The following AMOTL1 variants were observed in gnomAD, a reference collection of about 807,000 sequenced individuals.
AMOTL1 encodes angiomotin-like protein 1.
AMOTL1 carries 45 observed loss-of-function variants against 102.9 expected under a neutral mutation model. The observed-to-expected ratio is 0.44, with a 90% CI of 0.34 to 0.56. The LOEUF is 0.56. AMOTL1 is among the 20% of genes least tolerant of loss of function. The pLI, the probability that AMOTL1 is intolerant of heterozygous loss-of-function variation, is 0.01. For synonymous variants in AMOTL1, 481 were observed against 484.7 expected (o/e 0.99, Z 0.10); for missense variants, 1,114 against 1,225.6 (o/e 0.91, Z 1.36).
intron 2 of AMOTL1, among the ~76,000 whole-genome samples, chr11:94,735,210 G>C (rs374786946): frequency 6.6e-6 from 1 of 152,198 alleles, no homozygotes; most frequent in African/African-American, 2.4e-5. Context: ...GGCTGGGCAG[G>C]GGCTTGATGG....
rs1951431509 is a variant in AMOTL1, at chr11:94,799,589, T to C, written c.399T>C (p.His133=). ...CCACAGGGAGTGCAGGACCAGCCCATCCTACAAACAACTTTTCTTCCACGG... is the reference window on the plus strand; with the variant it reads ...CCACAGGGAGTGCAGGACCAGCCCACCCTACAAACAACTTTTCTTCCACGG... ...HQATGSAGPA[H]PTNNFSSTEN... The change falls in exon 3 of 13, where the codon CAT becomes CAC. Residue 133 remains histidine, a synonymous_variant. Coordinates refer to ENST00000433060, the MANE Select transcript of AMOTL1 (RefSeq NM_130847.3). This position sits in a 1 kb window ranked among gnomAD's most constrained non-coding sequence, Gnocchi z 4.5. The C allele has an allele frequency of 1.2e-6, 2 of 1,613,306 alleles. No individual in the cohort carries two copies. The highest frequency in any genetic ancestry group is 3.3e-5 in the Admixed American group (2 of 59,934).
rs773855698 is a variant in AMOTL1 at position 94,821,532 on chromosome 11, G to A, written c.1124G>A (p.Arg375His). 47 of 1,611,784 alleles carry A rather than the reference G, an allele frequency of 2.9e-5. No individual in the cohort carries two copies. The highest frequency in any genetic ancestry group is 1.2e-4 in the Admixed American group (7 of 59,908). Reference sequence around the variant, plus strand: ...TGCTGCCTTCCATTGCCTTGCAGCCGCCCATGCCAACTTCCGTTCCCATCA... The same window carrying A: ...TGCTGCCTTCCATTGCCTTGCAGCCACCCATGCCAACTTCCGTTCCCATCA... ...QPPPEYGVTS[R>H]PCQLPFPSTM... is the part of the protein sequence containing the mutation. Residue 375 changes from arginine (R) to histidine (H), a missense_variant and splice_region_variant, in exon 4 of 13, where the codon CGC becomes CAC. Physicochemically the swap from Arg to His is conservative, Grantham distance 29. Coordinates refer to ENST00000433060, the MANE Select transcript of AMOTL1 (RefSeq NM_130847.3).
intron 1 of AMOTL1, 100 bp downstream of exon 1, chr11:94,768,660 AGGGGGCAGCTTCT>A (rs1950893503): frequency 7.9e-6 from 12 of 1,515,932 alleles, no homozygotes; most frequent in African/African-American, 1.4e-5. Flanking sequence ...TGCTCACGGA[AGGGGGCAGCTTCT>A]GGGGGCCCGG....
chr11:94,833,480 T>C (rs1254509907), intron 6 of AMOTL1, among the ~76,000 whole-genome samples: 2 of 152,260 alleles, frequency 1.3e-5, no homozygotes, highest in African/African-American at 4.8e-5. Context: ...TTGTTTTTAA[T>C]CTTTGTTCTT....
chr11:94,765,698 T>A (rs781485503), upstream of AMOTL1, among the ~76,000 whole-genome samples: 4 of 152,200 alleles, frequency 2.6e-5, no homozygotes, highest in African/African-American at 4.8e-5. Flanking sequence ...TCTGTAGCAT[T>A]TGATAGAAGG....
At chr11:94,843,330 G>T (rs544529723) in intron 6 of AMOTL1, among the ~76,000 whole-genome samples, 6 of 151,936 alleles carry the variant, frequency 3.9e-5, no homozygotes, top group South Asian at 2.1e-4. Flanking sequence ...TATTTTTTTT[G>T]AGTCTCTTTC....
upstream of AMOTL1, among the ~76,000 whole-genome samples, chr11:94,763,594 C>A (rs1950821027): frequency 6.6e-6 from 1 of 152,094 alleles, no homozygotes. Context: ...GGAAGCCTTA[C>A]CGATAATATA....
intron 1 of AMOTL1, among the ~76,000 whole-genome samples, chr11:94,725,244 C>T (rs1006706416): frequency 2.0e-5 from 3 of 151,956 alleles, no homozygotes; most frequent in African/African-American, 7.3e-5. Context: ...TGTGAGAAGA[C>T]GTGGGGGAAT....
intron 3 of AMOTL1, among the ~76,000 whole-genome samples, chr11:94,809,513 C>T (rs1951633183): frequency 6.6e-6 from 1 of 152,236 alleles, no homozygotes; most frequent in African/African-American, 2.4e-5. Flanking sequence ...TGATTCCTCA[C>T]ACGGGCTGTA....
rs571405860 is a variant in AMOTL1, at chr11:94,792,322, G to A, written c.50-2689G>A. On this transcript the variant is annotated intron_variant, in intron 1 of 12. Transcript: ENST00000433060. ...ACATCACACACCGGGGCCTGACACT[G>A]ACATGGACTGGGGGAGGGATAGCAT... is the stretch of plus-strand genomic sequence containing the variant. Among the ~76,000 whole-genome samples, 7 of 152,322 alleles carry A rather than the reference G, an allele frequency of 4.6e-5. No individual in the cohort carries two copies. The South Asian group carries it at 1.5e-3, about 32-fold the overall frequency.
intron 9 of AMOTL1, among the ~76,000 whole-genome samples, chr11:94,862,626 T>G (rs1952797310): frequency 6.6e-6 from 1 of 152,232 alleles, no homozygotes; most frequent in Non-Finnish European, 1.5e-5. Context: ...TAATATTTCT[T>G]TCAGAGTTTT....
Position 94,826,883 on chromosome 11 carries a change from GT to G in AMOTL1, c.1414-3158del, listed in dbSNP as rs545636747. Among the ~76,000 whole-genome samples, 576 of 151,330 alleles carry G rather than the reference GT, an allele frequency of 3.8e-3. 8 individuals are homozygous for G. The highest frequency in any genetic ancestry group is 0.035 in the South Asian group (166 of 4,778). ...TACCTTGTTCTGAACTAAGATCCTT[GT>G]TTTTTTTTCTAGGTCCCTTCTAAGC... On this transcript the variant is annotated intron_variant, in intron 4 of 12. Coordinates refer to ENST00000433060, the MANE Select transcript of AMOTL1 (RefSeq NM_130847.3).
At chr11:94,803,867 C>G (rs1206215837) in intron 3 of AMOTL1, among the ~76,000 whole-genome samples, 15 of 152,204 alleles carry the variant, frequency 9.9e-5, no homozygotes. Context: ...TCCTACTTTC[C>G]TAATACACCC....
intron 2 of AMOTL1, among the ~76,000 whole-genome samples, chr11:94,740,638 G>A (rs1164913133): frequency 2.0e-5 from 3 of 151,704 alleles, no homozygotes; most frequent in Non-Finnish European, 4.4e-5. Context: ...ATGCGGCCGC[G>A]GCCCAGCGCC....
rs1952602988 is a variant in AMOTL1 at position 94,853,944 on chromosome 11, G to A, written c.1806G>A (p.Lys602=). The A allele has an allele frequency of 6.2e-7, 1 of 1,609,124 alleles. No homozygotes were observed. The highest frequency in any genetic ancestry group is 2.2e-5 in the East Asian group (1 of 44,776). Reference sequence around the variant, plus strand: ...TCTTCTCCACTCAGTTACGAGAGAAGCAAGCATATGTTGAGAAAGTTGAGA... The same window carrying A: ...TCTTCTCCACTCAGTTACGAGAGAAACAAGCATATGTTGAGAAAGTTGAGA... The part of the protein sequence containing the change: ...VIKLEEELRE[K]QAYVEKVEKL... Residue 602 remains lysine, a synonymous_variant, in exon 8 of 13, where the codon AAG becomes AAA. Coordinates refer to ENST00000433060, the MANE Select transcript of AMOTL1 (RefSeq NM_130847.3).
chr11:94,784,082 T>C (rs1951148069), intron 1 of AMOTL1, among the ~76,000 whole-genome samples: 1 of 151,552 alleles, frequency 6.6e-6, no homozygotes, highest in South Asian at 2.1e-4. Context: ...GAGGATTACC[T>C]GAGATAATGC....
At chr11:94,815,491 A>C (rs1951749511) in intron 3 of AMOTL1, among the ~76,000 whole-genome samples, 1 of 152,164 alleles carries the variant, frequency 6.6e-6, no homozygotes, top group African/African-American at 2.4e-5. Flanking sequence ...AGATAAATGT[A>C]GTGGAATAAA....
chr11:94,741,801 C>T (rs1030105561), intron 3 of AMOTL1, among the ~76,000 whole-genome samples: 1 of 152,068 alleles, frequency 6.6e-6, no homozygotes, highest in Admixed American at 6.6e-5. Flanking sequence ...TCTTTCATCA[C>T]TAGCCTGAAT....
chr11:94,745,946 C>G (rs773289498), intron 3 of AMOTL1, among the ~76,000 whole-genome samples: 6 of 152,248 alleles, frequency 3.9e-5, no homozygotes, highest in Middle Eastern at 3.4e-3. Flanking sequence ...TGATTCGTCC[C>G]TGGAGCCACA....
Sources: allele counts gnomAD v4.1 joint callset (sites outside exome capture counted in the v4.1 genomes callset), GRCh38; gene constraint gnomAD v4.1.1; non-coding constraint Gnocchi (gnomAD v3.1); transcripts MANE v1.5; gene names NCBI Gene and HGNC (gene_info 2026-07-23, HGNC 2026-07-21).